Variants in PTBP2 observed in about 807,000 individuals in gnomAD.
PTBP2 encodes polypyrimidine tract-binding protein 2.
A neutral mutation model predicts 61.4 loss-of-function variants in PTBP2; 13 were observed. The observed-to-expected ratio is 0.21, with a 90% confidence interval of 0.14 to 0.34. PTBP2 has a LOEUF of 0.34. Among genes scored for constraint, PTBP2 ranks in the 10% least tolerant of loss-of-function variants. The pLI, the probability that PTBP2 is intolerant of heterozygous loss-of-function variation, is 1.00. For missense variants in PTBP2, 405 were observed against 642.6 expected (o/e 0.63, Z 4.00); for synonymous variants, 215 against 218.5 (o/e 0.98, Z 0.14).
chr1:96,785,299 A>G (rs1473141960), intron 8 of PTBP2, 45 bp downstream of exon 8: 5 of 1,423,526 alleles, frequency 3.5e-6, no homozygotes, highest in Middle Eastern at 1.8e-4. Context: ...ATTTTGCCAA[A>G]TGGAAAAGTA....
chr1:96,783,725 T>A (rs1658935023), intron 7 of PTBP2, among the ~76,000 whole-genome samples: 1 of 152,110 alleles, frequency 6.6e-6, no homozygotes, highest in South Asian at 2.1e-4. Flanking sequence ...AATGCTACAT[T>A]AGTAAATGAA....
At chr1:96,769,508 T>A (rs992352073) in intron 3 of PTBP2, among the ~76,000 whole-genome samples, 195 bp from the exon 4 acceptor site, 2 of 151,960 alleles carry the variant, frequency 1.3e-5, no homozygotes, top group African/African-American at 4.8e-5. Context: ...AGTTGATAAT[T>A]TCATTTAATA....
At chr1:96,770,543 A>G (rs1657259251) in intron 4 of PTBP2, among the ~76,000 whole-genome samples, 165 bp from the exon 5 acceptor site, 1 of 152,056 alleles carries the variant, frequency 6.6e-6, no homozygotes, top group African/African-American at 2.4e-5. Flanking sequence ...TTAACTGTAT[A>G]CCTAAACTTC....
chr1:96,743,640 CA>C (rs1653353615), intron 2 of PTBP2, among the ~76,000 whole-genome samples: 1 of 152,114 alleles, frequency 6.6e-6, no homozygotes. Context: ...ATAAGAAAAG[CA>C]GGAGAGAATT....
chr1:96,746,084 A>AG (rs1553174554), intron 2 of PTBP2, among the ~76,000 whole-genome samples: 1 of 151,686 alleles, frequency 6.6e-6, no homozygotes, highest in Non-Finnish European at 1.5e-5. Context: ...ACAAAAAAAA[A>AG]CAACAACAAA....
At chr1:96,791,901 T>C (rs1466392736) in intron 8 of PTBP2, among the ~76,000 whole-genome samples, 1 of 139,554 alleles carries the variant, frequency 7.2e-6, no homozygotes. Flanking sequence ...GCATGCAATC[T>C]CGGCTCACTG....
intron 9 of PTBP2, among the ~76,000 whole-genome samples, chr1:96,805,413 C>T (rs1661404396): frequency 2.0e-5 from 3 of 152,028 alleles, no homozygotes; most frequent in South Asian, 2.1e-4. Context: ...AAGATCTTGA[C>T]GAGGCACTCT....
At chr1:96,762,329 C>G (rs1459201498) in intron 3 of PTBP2, among the ~76,000 whole-genome samples, 1 of 151,206 alleles carries the variant, frequency 6.6e-6, no homozygotes, top group African/African-American at 2.4e-5. Context: ...CCCCTCACTC[C>G]CCAGTAGGGG....
intron 1 of PTBP2, among the ~76,000 whole-genome samples, chr1:96,722,872 T>C (rs2100763503): frequency 6.6e-6 from 1 of 152,318 alleles, no homozygotes; most frequent in South Asian, 2.1e-4. Flanking sequence ...GACTCAGTAA[T>C]TTAACTCAAT....
At chr1:96,799,156 T>C (rs977148350) in intron 8 of PTBP2, among the ~76,000 whole-genome samples, 2 of 152,298 alleles carry the variant, frequency 1.3e-5, no homozygotes, top group African/African-American at 4.8e-5. Context: ...TCACTCAAAA[T>C]GTCTGGGTGA....
intron 3 of PTBP2, among the ~76,000 whole-genome samples, chr1:96,765,679 C>G (rs1272183550): frequency 1.3e-5 from 2 of 151,330 alleles, no homozygotes; most frequent in African/African-American, 4.9e-5. Context: ...CCACTGCACT[C>G]CAGCCTGGCA....
chr1:96,723,576 G>T lies in PTBP2; in HGVS notation c.21G>T (p.Glu7Asp), dbSNP rs763408991. MDGIVTEVAVGVKRGSD... is the reference protein window; with the variant it reads MDGIVTDVAVGVKRGSD... ...TTTTTCTTTGCAGAATCGTCACTGA[G>T]GTTGCAGTTGGCGTGAAGGTAGGAA... Residue 7 changes from glutamate to aspartate, a missense_variant, in exon 2 of 14, where the codon GAG (glutamate) becomes GAT (aspartate). Glu to Asp is a conservative substitution (Grantham distance 45). Transcript: ENST00000674951. 1.3e-6 allele frequency: 2 copies of T among 1,566,490 alleles called. No homozygotes were observed. The highest frequency in any genetic ancestry group is 1.7e-6 in the Non-Finnish European group (2 of 1,146,978).
At position 96,813,037 on chromosome 1, in the gene PTBP2, T is replaced by C; in HGVS notation, c.1397T>C (p.Val466Ala). The C allele has an allele frequency of 1.2e-6, 2 of 1,612,724 alleles. No homozygotes were observed. Among genetic ancestry groups the C allele is most frequent in the Non-Finnish European group, 1.7e-6 (2 of 1,178,920 alleles). Reference protein sequence around the residue: ...TLHLSNIPPSVAEEDLRTLFA... With the variant: ...TLHLSNIPPSAAEEDLRTLFA... ...CCATTCAATTTTCCTAGTCCATCAG[T>C]AGCAGAAGAGGATCTACGAACACTG... Residue 466 changes from valine (V) to alanine (A), a missense_variant, in exon 13 of 14, where the codon GTA becomes GCA. Physicochemically the swap from Val to Ala is moderately conservative, Grantham distance 64. Coordinates refer to ENST00000674951, the MANE Select transcript of PTBP2 (RefSeq NM_021190.4).
At chr1:96,763,981 A>G (rs942653086) in intron 3 of PTBP2, among the ~76,000 whole-genome samples, 3 of 152,234 alleles carry the variant, frequency 2.0e-5, no homozygotes, top group Non-Finnish European at 2.9e-5. Context: ...TTGGTAGACA[A>G]TGTTACAAGG....
At chr1:96,812,430 T>C (rs1662173321) in intron 11 of PTBP2, among the ~76,000 whole-genome samples, 1 of 152,162 alleles carries the variant, frequency 6.6e-6, no homozygotes, top group African/African-American at 2.4e-5. Context: ...TAAGTTTCTT[T>C]CTTGTGTAGC....
intron 2 of PTBP2, among the ~76,000 whole-genome samples, chr1:96,729,678 C>T (rs897121623): frequency 5.3e-5 from 8 of 151,060 alleles, no homozygotes; most frequent in Admixed American, 1.3e-4. Context: ...TAGAACTAGT[C>T]CATTTCCTTT....
chr1:96,771,640 A>C (rs2101017257), intron 5 of PTBP2, among the ~76,000 whole-genome samples: 1 of 152,240 alleles, frequency 6.6e-6, no homozygotes, highest in South Asian at 2.1e-4. Flanking sequence ...CTTTTGAAAA[A>C]GAATGTATGC....
At chr1:96,770,395 G>A (rs1390305279) in intron 4 of PTBP2, among the ~76,000 whole-genome samples, 1 of 151,846 alleles carries the variant, frequency 6.6e-6, no homozygotes, top group Non-Finnish European at 1.5e-5. Context: ...ATTCTCTAGG[G>A]TAGAAGTGGT....
chr1:96,823,208 G>C lies in PTBP2; in HGVS notation c.*9803G>C, dbSNP rs187904578. Reference sequence around the variant, plus strand: ...ACTCCTGACCTCAAGTGATCTACCTGCCTCAGCCTTCTAAAGTGTTGGGAT... The same window carrying C: ...ACTCCTGACCTCAAGTGATCTACCTCCCTCAGCCTTCTAAAGTGTTGGGAT... On this transcript the variant is annotated 3_prime_UTR_variant, in exon 14 of 14. Coordinates refer to the PTBP2 transcript ENST00000609116. 4.2e-3 allele frequency: 646 copies of C among 152,398 alleles called. 2 individuals carry two copies. Among genetic ancestry groups the C allele is most frequent in the Non-Finnish European group, 3.3e-3 (222 of 68,134 alleles). 9.4% of individuals were successfully genotyped at this position (152,398 alleles called of 1,614,324 possible).
Sources: gnomAD v4.1 joint callset for allele counts (sites outside exome capture counted in the v4.1 genomes callset) on GRCh38, gnomAD v4.1.1 for gene constraint, MANE v1.5 for transcripts, NCBI Gene and HGNC (gene_info 2026-07-23, HGNC 2026-07-21) for gene names.